DACH1: variants seen among roughly 807,000 people sequenced by gnomAD.
DACH1 encodes dachshund homolog 1.
In DACH1, 12 loss-of-function variants were observed where a neutral mutation model predicts 54.2. That is an observed-to-expected ratio of 0.22 (90% CI 0.14 to 0.36). DACH1 has a LOEUF of 0.36. Ranked by LOEUF, DACH1 falls within the 10% of genes least tolerant of loss-of-function variation. The pLI, the probability that DACH1 is intolerant of heterozygous loss-of-function variation, is 1.00. For synonymous variants in DACH1, 386 were observed against 366.2 expected, an observed-to-expected ratio of 1.05 and a Z score of -0.62; for missense variants, 805 against 929.8, an observed-to-expected ratio of 0.87 and a Z score of 1.75.
intron 1 of DACH1, among the ~76,000 whole-genome samples, chr13:71,826,480 C>T (rs1158934127): frequency 1.3e-5 from 2 of 151,972 alleles, no homozygotes; most frequent in Non-Finnish European, 2.9e-5. Context: ...CTTTGGTCCT[C>T]CTCTAGATGG....
rs557289560 is a variant in DACH1 at position 71,732,415 on chromosome 13, T to C, written c.849-50505A>G. On this transcript the variant is annotated intron_variant, in intron 1 of 10. Coordinates refer to ENST00000613252, the MANE Select transcript of DACH1 (RefSeq NM_080759.6). ...GCCTGGCCAACATGGTGAAACCCCATCTGTACTAAAAATACAAAAATTAGC... is the reference window on the plus strand; with the variant it reads ...GCCTGGCCAACATGGTGAAACCCCACCTGTACTAAAAATACAAAAATTAGC... 2.6e-5 allele frequency among the ~76,000 whole-genome samples: 4 copies of C among 151,874 alleles called. No homozygotes were observed. The East Asian group carries it at 5.9e-4, about 22-fold the overall frequency.
chr13:71,809,393 A>G (rs551121236), intron 1 of DACH1, among the ~76,000 whole-genome samples: 106 of 152,150 alleles, frequency 7.0e-4, no homozygotes, highest in Middle Eastern at 3.4e-3. Flanking sequence ...CTTGTCTCGA[A>G]CACCTGGGCT....
chr13:71,790,417 G>A lies in DACH1; in HGVS notation c.848+75505C>T, dbSNP rs567614939. Among the ~76,000 whole-genome samples, 29 of 152,216 alleles carry A rather than the reference G, an allele frequency of 1.9e-4. No individual in the cohort carries two copies. The East Asian group carries it at 4.4e-3, about 23-fold the overall frequency. ...TATAATGTTGACGCTTAAGAAAAAC[G>A]AGAAGTCAACATGACTCTTTTGATG... On this transcript the variant is annotated intron_variant, in intron 1 of 10. Coordinates refer to ENST00000613252, the MANE Select transcript of DACH1 (RefSeq NM_080759.6).
At chr13:71,855,598 C>A (rs17837297) in intron 1 of DACH1, among the ~76,000 whole-genome samples, 11,910 of 151,924 alleles carry the variant, frequency 0.078, 1,280 homozygotes, top group East Asian at 0.56. Context: ...CCAACTTAGG[C>A]CCATTTCATG....
At chr13:71,586,749 A>G (rs1245242725) in intron 3 of DACH1, among the ~76,000 whole-genome samples, 2 of 152,120 alleles carry the variant, frequency 1.3e-5, no homozygotes, top group Non-Finnish European at 2.9e-5. Flanking sequence ...GAAAAAATCA[A>G]ATAGCATGAT....
At chr13:71,788,774 T>A (rs1447245960) in intron 1 of DACH1, among the ~76,000 whole-genome samples, 10 of 143,180 alleles carry the variant, frequency 7.0e-5, no homozygotes, top group Non-Finnish European at 3.0e-5. Context: ...AGCTCATAAT[T>A]GGAAAAAATG....
chr13:71,813,250 A>T (rs1887787648), intron 1 of DACH1, among the ~76,000 whole-genome samples: 1 of 152,218 alleles, frequency 6.6e-6, no homozygotes, highest in Non-Finnish European at 1.5e-5. Context: ...TAAGAGTCAG[A>T]CATTTTACCC....
chr13:71,652,585 T>G (rs1362205821), intron 2 of DACH1, among the ~76,000 whole-genome samples: 1 of 152,130 alleles, frequency 6.6e-6, no homozygotes, highest in South Asian at 2.1e-4. Flanking sequence ...CTGCTATGCA[T>G]AGTTTAAACA....
chr13:71,842,860 C>A (rs1167211767), intron 1 of DACH1, among the ~76,000 whole-genome samples: 1 of 152,142 alleles, frequency 6.6e-6, no homozygotes, highest in African/African-American at 2.4e-5. Context: ...GATATCTATT[C>A]TTCTGACTTG....
chr13:71,687,585 A>G (rs1157925823), intron 1 of DACH1, among the ~76,000 whole-genome samples: 1 of 152,208 alleles, frequency 6.6e-6, no homozygotes, highest in Non-Finnish European at 1.5e-5. Context: ...TGTCATAAAC[A>G]TACATTATGT....
In DACH1 at chr13:71,768,879, G is replaced by A. The variant is rs568336300; in HGVS notation, c.849-86969C>T. On this transcript the variant is annotated intron_variant, in intron 1 of 10. Transcript: ENST00000613252. Reference sequence around the variant, plus strand: ...TTATTTGACATCACGCATTTTGATTGCACATTTTCTGAGTCTTGGAGCTTT... The same window carrying A: ...TTATTTGACATCACGCATTTTGATTACACATTTTCTGAGTCTTGGAGCTTT... Among the ~76,000 whole-genome samples the A allele has an allele frequency of 3.3e-5, 5 of 151,876 alleles. No homozygotes were observed. In the East Asian group the frequency reaches 9.6e-4, roughly 29 times the overall value.
At chr13:71,839,553 G>A (rs1045506406) in intron 1 of DACH1, among the ~76,000 whole-genome samples, 1 of 152,114 alleles carries the variant, frequency 6.6e-6, no homozygotes, top group Non-Finnish European at 1.5e-5. Context: ...CTTGTAGTGA[G>A]CAGAGATCAT....
At position 71,670,505 on chromosome 13, in the gene DACH1, G is replaced by A. The variant is rs527677053; in HGVS notation, c.964+11290C>T. 8.5e-5 allele frequency among the ~76,000 whole-genome samples: 13 copies of A among 152,146 alleles called. No individual in the cohort carries two copies. In the South Asian group the frequency reaches 2.7e-3, roughly 32 times the overall value. On this transcript the variant is annotated intron_variant, in intron 2 of 10. Transcript: ENST00000613252. ...TTTTGTCCACAAGTCTATAAAGAGA[G>A]TTCAGTGTCATTAAGTCCCTAAAAA...
intron 1 of DACH1, among the ~76,000 whole-genome samples, chr13:71,755,995 A>C (rs957355937): frequency 2.4e-4 from 37 of 152,254 alleles, no homozygotes; most frequent in South Asian, 6.2e-4. Flanking sequence ...AAATTATTTA[A>C]ATTTAAAGAC....
chr13:71,570,054 T>C (rs1343882120), intron 4 of DACH1, among the ~76,000 whole-genome samples: 1 of 152,174 alleles, frequency 6.6e-6, no homozygotes. Context: ...AAATAAAAAC[T>C]TCCCCAAAAC....
chr13:71,446,983 A>C (rs1256330528), intron 10 of DACH1, among the ~76,000 whole-genome samples: 1 of 152,240 alleles, frequency 6.6e-6, no homozygotes, highest in Non-Finnish European at 1.5e-5. Flanking sequence ...AGCATTTGGG[A>C]GTAGGGATTG....
At chr13:71,480,888 G>T (rs1291768560) in intron 7 of DACH1, among the ~76,000 whole-genome samples, 1 of 152,044 alleles carries the variant, frequency 6.6e-6, no homozygotes, top group Non-Finnish European at 1.5e-5. Flanking sequence ...TGAATCTCCT[G>T]GTATAATTCT....
chr13:71,687,181 A>G (rs1881210161), intron 1 of DACH1, among the ~76,000 whole-genome samples: 1 of 152,158 alleles, frequency 6.6e-6, no homozygotes, highest in Admixed American at 6.5e-5. Flanking sequence ...AACTGCTCCT[A>G]CAAAACCAAG....
At chr13:71,605,670 T>C (rs1874825956) in intron 3 of DACH1, among the ~76,000 whole-genome samples, 1 of 151,932 alleles carries the variant, frequency 6.6e-6, no homozygotes, top group Non-Finnish European at 1.5e-5. Flanking sequence ...AGAGAAATAT[T>C]TTATGATATT....
Sources: gnomAD v4.1 joint callset for allele counts (sites outside exome capture counted in the v4.1 genomes callset) on GRCh38, gnomAD v4.1.1 for gene constraint, MANE v1.5 for transcripts, NCBI Gene and HGNC (gene_info 2026-07-23, HGNC 2026-07-21) for gene names.